DUSP11: variants seen among roughly 807,000 people sequenced by gnomAD.
DUSP11 encodes the protein RNA/RNP complex-1-interacting phosphatase.
Under a neutral mutation model 41.4 loss-of-function variants are expected in DUSP11, and 27 were observed. The ratio of observed to expected loss-of-function variants is 0.65; its 90% confidence interval spans 0.48 to 0.90. DUSP11 has a LOEUF of 0.90. Ranked by LOEUF, DUSP11 falls within the 40% of genes least tolerant of loss-of-function variation. DUSP11 has a pLI of 0.00. For missense variants in DUSP11, 465 were observed against 461.1 expected, an observed-to-expected ratio of 1.01 and a Z score of -0.08; for synonymous variants, 188 against 159.3, an observed-to-expected ratio of 1.18 and a Z score of -1.35.
At chr2:73,770,212 A>T (rs1260215620) in intron 4 of DUSP11, among the ~76,000 whole-genome samples, 1 of 151,236 alleles carries the variant, frequency 6.6e-6, no homozygotes, top group Non-Finnish European at 1.5e-5. Context: ...GAAAGAAAGA[A>T]AAGAAAAAAA....
chr2:73,768,713 T>C lies in DUSP11; in HGVS notation c.635+552A>G. 4 of 959,396 alleles carry C rather than the reference T, an allele frequency of 4.2e-6. No individual in the cohort carries two copies. The South Asian group carries it at 1.9e-4, about 46-fold the overall frequency. The allele number at this position is 959,396 out of a possible 1,614,324, so 59.4% of individuals were successfully genotyped here. A position where few individuals can be genotyped will look rare whatever the true frequency, so the allele number is the denominator to read the frequency against. Reference sequence around the variant, plus strand: ...GGCTCACTCCTGTAATACCAGCACTTTGGGAGGCCGAGGCGGGTGGATCAC... The same window carrying C: ...GGCTCACTCCTGTAATACCAGCACTCTGGGAGGCCGAGGCGGGTGGATCAC... On this transcript the variant is annotated intron_variant, in intron 5 of 8. Transcript: ENST00000272444.
At chr2:73,780,050 A>C in exon 1 of DUSP11, 1 of 1,612,214 alleles carries the variant, frequency 6.2e-7, no homozygotes, top group South Asian at 1.1e-5. Context: ...TGCCAGGATA[A>C]GACCCTAAAC....
chr2:73,776,910 A>C (rs1422109493), intron 2 of DUSP11, among the ~76,000 whole-genome samples: 1 of 152,214 alleles, frequency 6.6e-6, no homozygotes, highest in Non-Finnish European at 1.5e-5. Flanking sequence ...GGTTTTGATC[A>C]ATATATAACA....
intron 1 of DUSP11, 46 bp downstream of exon 1, chr2:73,779,828 A>C: frequency 6.2e-7 from 1 of 1,609,042 alleles, no homozygotes; most frequent in Non-Finnish European, 8.5e-7. Context: ...CCAGACCCAG[A>C]AGCCACGAGC....
At chr2:73,778,476 G>T in intron 1 of DUSP11, 100 bp from the exon 2 acceptor site, 1 of 671,998 alleles carries the variant, frequency 1.5e-6, no homozygotes, top group Non-Finnish European at 2.3e-6. Context: ...CGCACAACAT[G>T]TCCTCTCTCC....
rs371782116 is a variant in DUSP11, at chr2:73,766,463, G to A, written c.890C>T (p.Pro297Leu). The change falls in exon 8 of 9, where the codon CCT becomes CTT. Residue 297 changes from proline to leucine, a missense_variant. Coordinates refer to ENST00000272444, the Ensembl canonical transcript of DUSP11. ...TTGGGTCTGGGTGTGGAAATGTCGA[G>A]GAGCTGAGTGACCCTGGATCTGATG... is the stretch of plus-strand genomic sequence containing the variant. 2 of 1,613,910 alleles carry A rather than the reference G, an allele frequency of 1.2e-6. No homozygotes were observed. Among genetic ancestry groups the A allele is most frequent in the Non-Finnish European group, 1.7e-6 (2 of 1,179,990 alleles).
At chr2:73,771,744 TGCCCACCTC>T (rs1672582866) in intron 4 of DUSP11, among the ~76,000 whole-genome samples, 1 of 148,220 alleles carries the variant, frequency 6.7e-6, no homozygotes, top group African/African-American at 2.5e-5. Context: ...CCTCATGATC[TGCCCACCTC>T]GGCCTCCTAA....
chr2:73,768,471 C>T, intron 5 of DUSP11: 1 of 985,330 alleles, frequency 1.0e-6, no homozygotes, highest in Non-Finnish European at 1.2e-6. Flanking sequence ...GTGGCAACAT[C>T]CATAAAAAGC....
intron 5 of DUSP11, 184 bp downstream of exon 5, chr2:73,769,081 T>C: frequency 3.7e-6 from 2 of 537,484 alleles, no homozygotes; most frequent in South Asian, 6.2e-5. Flanking sequence ...TGCTTGTATC[T>C]GCATTTTTAG....
chr2:73,779,897 C>T, exon 1 of DUSP11: 1 of 1,614,188 alleles, frequency 6.2e-7, no homozygotes, highest in Non-Finnish European at 8.5e-7. Flanking sequence ...GGTTTCCGCC[C>T]TTCTTCTTGG....
intron 3 of DUSP11, among the ~76,000 whole-genome samples, chr2:73,774,416 T>C (rs1002820393): frequency 1.3e-5 from 2 of 152,208 alleles, no homozygotes; most frequent in African/African-American, 4.8e-5. Context: ...AAAATCATTT[T>C]AACCATCCAC....
At chr2:73,769,460 G>A in intron 4 of DUSP11, 135 bp from the exon 5 acceptor site, 1 of 669,856 alleles carries the variant, frequency 1.5e-6, no homozygotes, top group East Asian at 2.8e-5. Flanking sequence ...TCATCTAACA[G>A]AAAGCCAAAA....
chr2:73,769,990 G>A (rs1210569858), intron 4 of DUSP11, among the ~76,000 whole-genome samples: 2 of 152,142 alleles, frequency 1.3e-5, no homozygotes, highest in Non-Finnish European at 2.9e-5. Flanking sequence ...ATAAAAAAAA[G>A]TGTAGTTTAT....
At chr2:73,773,489 T>C (rs1558534481) in intron 4 of DUSP11, 1 of 372,030 alleles carries the variant, frequency 2.7e-6, no homozygotes, top group Non-Finnish European at 5.2e-6. Context: ...TTTCTTCTAC[T>C]TCTCACTTCT....
At chr2:73,780,126 C>A in exon 1 of DUSP11, 1 of 1,553,882 alleles carries the variant, frequency 6.4e-7, no homozygotes. Context: ...GTGCCACCGC[C>A]GGTCGTGATG....
intron 6 of DUSP11, 67 bp downstream of exon 6, chr2:73,767,094 A>G: frequency 2.0e-6 from 3 of 1,482,572 alleles, no homozygotes; most frequent in Non-Finnish European, 2.8e-6. Flanking sequence ...AAAATTTGAT[A>G]AATTCTTCTA....
chr2:73,771,873 T>C (rs934974689), intron 4 of DUSP11, among the ~76,000 whole-genome samples: 1 of 144,992 alleles, frequency 6.9e-6, no homozygotes, highest in African/African-American at 2.6e-5. Context: ...CAGGCTGGAG[T>C]GCAGTGGCGC....
At chr2:73,766,180 G>A (rs973025332) in intron 8 of DUSP11, among the ~76,000 whole-genome samples, 2 of 151,944 alleles carry the variant, frequency 1.3e-5, no homozygotes, top group Non-Finnish European at 2.9e-5. Context: ...ATGGTGGCGG[G>A]TGCCTGTAGT....
At chr2:73,769,301 G>A in exon 5 of DUSP11, 3 of 1,613,406 alleles carry the variant, frequency 1.9e-6, no homozygotes, top group Non-Finnish European at 2.5e-6. Flanking sequence ...TAAACCATGG[G>A]TACAGTGGAC....
Sources: allele counts gnomAD v4.1 joint callset (sites outside exome capture counted in the v4.1 genomes callset), GRCh38; gene constraint gnomAD v4.1.1; transcripts MANE v1.5; gene names NCBI Gene and HGNC (gene_info 2026-07-23, HGNC 2026-07-21).